The following C1QTNF7 variants were observed in gnomAD, a reference collection of about 807,000 sequenced individuals.
The protein encoded by C1QTNF7 is C1q and TNF related 7.
C1QTNF7 carries 15 observed loss-of-function variants against 19.6 expected under a neutral mutation model. The observed-to-expected ratio is 0.76, with a 90% CI of 0.51 to 1.18. The LOEUF is 1.18. Ranked by LOEUF, C1QTNF7 falls within the 50% of genes most tolerant of loss-of-function variation. C1QTNF7 has a pLI of 0.00. For synonymous variants in C1QTNF7, 142 were observed against 137.5 expected (o/e 1.03, Z -0.23); for missense variants, 324 against 359.7 (o/e 0.90, Z 0.80).
At chr4:15,415,650 T>C (rs1052704569) in intron 1 of C1QTNF7, among the ~76,000 whole-genome samples, 2 of 149,284 alleles carry the variant, frequency 1.3e-5, no homozygotes, top group Admixed American at 6.8e-5. Context: ...AGAGATGGGT[T>C]CTCACTATGT....
chr4:15,371,541 A>G (rs1172762437), intron 1 of C1QTNF7, among the ~76,000 whole-genome samples: 1 of 152,206 alleles, frequency 6.6e-6, no homozygotes. Context: ...GACAACCATT[A>G]TGCAAATTAT....
intron 1 of C1QTNF7, among the ~76,000 whole-genome samples, chr4:15,350,309 AGGGAGG>A (rs1560337617): frequency 9.4e-4 from 9 of 9,548 alleles, no homozygotes; most frequent in Admixed American, 2.6e-3. Flanking sequence ...AAAGGAGGGA[AGGGAGG>A]GAAGGAAGGA....
intron 1 of C1QTNF7, among the ~76,000 whole-genome samples, chr4:15,349,718 C>A (rs527406017): frequency 1.3e-5 from 2 of 152,190 alleles, no homozygotes; most frequent in South Asian, 4.1e-4. Flanking sequence ...TTTCCTTGAC[C>A]CGGGTCTTGC....
chr4:15,384,524 T>C (rs943217224), intron 1 of C1QTNF7, among the ~76,000 whole-genome samples: 2 of 152,208 alleles, frequency 1.3e-5, no homozygotes, highest in African/African-American at 4.8e-5. Context: ...ACATATTCTC[T>C]TTCTATGACC....
chr4:15,349,587 G>A (rs1716836003), intron 1 of C1QTNF7, among the ~76,000 whole-genome samples: 1 of 152,180 alleles, frequency 6.6e-6, no homozygotes, highest in Non-Finnish European at 1.5e-5. Flanking sequence ...TATAATGATT[G>A]AGTGTGAAAT....
intron 2 of C1QTNF7, 85 bp from the exon 3 acceptor site, chr4:15,442,083 G>A (rs770921285): frequency 1.3e-5 from 19 of 1,437,302 alleles, no homozygotes; most frequent in Non-Finnish European, 1.7e-5. Flanking sequence ...AGACAAAGTT[G>A]GGATGTGCTG....
chr4:15,372,991 G>A (rs1482376641), intron 1 of C1QTNF7, among the ~76,000 whole-genome samples: 1 of 152,188 alleles, frequency 6.6e-6, no homozygotes, highest in African/African-American at 2.4e-5. Context: ...GTCAGCCAAT[G>A]ACACAGATGA....
intron 1 of C1QTNF7, among the ~76,000 whole-genome samples, chr4:15,352,389 C>G (rs2109289630): frequency 6.6e-6 from 1 of 152,162 alleles, no homozygotes; most frequent in Non-Finnish European, 1.5e-5. Context: ...CTATATGACC[C>G]CAAGGCCCAC....
intron 1 of C1QTNF7, among the ~76,000 whole-genome samples, chr4:15,409,889 TATG>T (rs1426519853): frequency 6.6e-6 from 1 of 152,204 alleles, no homozygotes; most frequent in Non-Finnish European, 1.5e-5. Context: ...AAATCATAAA[TATG>T]ATGACTCTTT....
At chr4:15,421,837 T>G (rs1470019401) in intron 1 of C1QTNF7, among the ~76,000 whole-genome samples, 1 of 152,144 alleles carries the variant, frequency 6.6e-6, no homozygotes, top group African/African-American at 2.4e-5. Flanking sequence ...AAATTTGTGG[T>G]ACAACCGTAC....
At chr4:15,358,298 A>G (rs1191494046) in intron 1 of C1QTNF7, 14 of 152,114 alleles carry the variant, frequency 9.2e-5, no homozygotes, top group Non-Finnish European at 1.8e-4. Context: ...GTTGAATTTT[A>G]TCGAAGGCCT....
chr4:15,398,947 T>C (rs953273408), intron 1 of C1QTNF7, among the ~76,000 whole-genome samples: 1 of 152,114 alleles, frequency 6.6e-6, no homozygotes, highest in Non-Finnish European at 1.5e-5. Flanking sequence ...ATTCTTCCCT[T>C]GGGATGGGCT....
At chr4:15,340,879 C>T (rs1483097844) in intron 1 of C1QTNF7, among the ~76,000 whole-genome samples, 7 of 152,150 alleles carry the variant, frequency 4.6e-5, no homozygotes, top group African/African-American at 7.2e-5. Context: ...CTCGATTGTG[C>T]CTCATACACA....
chr4:15,428,739 T>A (rs940363292), intron 1 of C1QTNF7, among the ~76,000 whole-genome samples: 4 of 152,048 alleles, frequency 2.6e-5, no homozygotes, highest in South Asian at 2.1e-4. Flanking sequence ...GCAGCTCAGG[T>A]CTCCATCCTG....
intron 1 of C1QTNF7, among the ~76,000 whole-genome samples, chr4:15,375,979 C>G (rs975661981): frequency 2.6e-5 from 4 of 152,194 alleles, no homozygotes; most frequent in Non-Finnish European, 5.9e-5. Flanking sequence ...TCGAAAGGCT[C>G]TAGGTTACTG....
chr4:15,426,060 C>A (rs16891938), upstream of C1QTNF7, among the ~76,000 whole-genome samples: 3 of 151,978 alleles, frequency 2.0e-5, no homozygotes, highest in South Asian at 2.1e-4. Context: ...GCTAGGTTAG[C>A]GGCAAACTGT....
intron 1 of C1QTNF7, among the ~76,000 whole-genome samples, chr4:15,360,038 T>C (rs940291868): frequency 2.0e-5 from 3 of 152,178 alleles, no homozygotes; most frequent in African/African-American, 7.2e-5. Flanking sequence ...CTGCTGTCTA[T>C]GGCTTGCAAT....
At chr4:15,342,844 T>A (rs1199580662) in intron 1 of C1QTNF7, among the ~76,000 whole-genome samples, 2 of 152,248 alleles carry the variant, frequency 1.3e-5, no homozygotes, top group Non-Finnish European at 2.9e-5. Flanking sequence ...CTGTGCACCA[T>A]GGTAGATCAG....
upstream of C1QTNF7, among the ~76,000 whole-genome samples, chr4:15,423,328 G>A (rs1711879331): frequency 6.6e-6 from 1 of 152,010 alleles, no homozygotes; most frequent in South Asian, 2.1e-4. Flanking sequence ...CTTTCAAGCT[G>A]TATGTTCAGG....
Sources: gnomAD v4.1 joint callset for allele counts (sites outside exome capture counted in the v4.1 genomes callset) on GRCh38, gnomAD v4.1.1 for gene constraint, MANE v1.5 for transcripts, NCBI Gene and HGNC (gene_info 2026-07-23, HGNC 2026-07-21) for gene names.